Variants in SLC13A4 observed in about 807,000 individuals in gnomAD.
SLC13A4 encodes the protein Na(+)/sulfate cotransporter SUT-1.
In SLC13A4, 28 loss-of-function variants were observed where a neutral mutation model predicts 72.7. The observed-to-expected ratio is 0.39, with a 90% CI of 0.29 to 0.53. SLC13A4 has a LOEUF of 0.53. Ranked by LOEUF, SLC13A4 falls within the 20% of genes least tolerant of loss-of-function variation. The pLI, the probability that SLC13A4 is intolerant of heterozygous loss-of-function variation, is 0.78. For missense variants in SLC13A4, 653 were observed against 788.0 expected (o/e 0.83, Z 2.05); for synonymous variants, 312 against 325.5 (o/e 0.96, Z 0.45).
chr7:135,691,803 C>A, intron 11 of SLC13A4, 158 bp from the exon 12 acceptor site: 1 of 579,704 alleles, frequency 1.7e-6, no homozygotes, highest in South Asian at 2.2e-5. Context: ...ACGCTATCCA[C>A]TTTGGATTTA....
At chr7:135,716,638 T>C (rs1249259004) in intron 2 of SLC13A4, among the ~76,000 whole-genome samples, 3 of 152,146 alleles carry the variant, frequency 2.0e-5, no homozygotes, top group Non-Finnish European at 4.4e-5. Context: ...CAACGGAGGA[T>C]TTTGGTCACA....
chr7:135,691,780 G>T, intron 11 of SLC13A4, 135 bp from the exon 12 acceptor site: 1 of 612,948 alleles, frequency 1.6e-6, no homozygotes. Context: ...CTTAGTTCTT[G>T]CCAGTTGCTG....
chr7:135,695,284 C>G, intron 9 of SLC13A4, 84 bp downstream of exon 9: 1 of 1,578,004 alleles, frequency 6.3e-7, no homozygotes, highest in Non-Finnish European at 8.6e-7. Flanking sequence ...GTCCCCCTTG[C>G]ACAGAGCCAT....
At chr7:135,727,099 G>A (rs1420198836) in intron 1 of SLC13A4, among the ~76,000 whole-genome samples, 1 of 152,214 alleles carries the variant, frequency 6.6e-6, no homozygotes, top group Non-Finnish European at 1.5e-5. Flanking sequence ...CCGCTGCTGG[G>A]GCAGGCTGGC....
intron 5 of SLC13A4, chr7:135,705,244 G>A (rs975904102): frequency 4.8e-5 from 10 of 210,212 alleles, no homozygotes; most frequent in African/African-American, 1.6e-4. Context: ...ACGGTTTTCC[G>A]TTAACAAATT....
chr7:135,726,214 CA>C (rs1451550853), intron 1 of SLC13A4, among the ~76,000 whole-genome samples: 3 of 152,128 alleles, frequency 2.0e-5, no homozygotes, highest in Non-Finnish European at 4.4e-5. Flanking sequence ...GAAAAAAAAT[CA>C]GGCCCATTTG....
Position 135,699,524 on chromosome 7 carries a change from T to TG in SLC13A4, c.738dup (p.Ser247GlnfsTer16). 1 of 1,609,196 alleles carries TG rather than the reference T, an allele frequency of 6.2e-7. No individual in the cohort carries two copies. The highest frequency in any genetic ancestry group is 8.5e-7 in the Non-Finnish European group (1 of 1,177,698). ...CTGTTCAGCTTCTGCTTCCTGGGGC[T>TG]GGGGGTCAGGACTTGTGGCTTTTCC... On this transcript the variant is annotated frameshift_variant, in exon 8 of 16. Transcript: ENST00000682651. LOFTEE classifies it high-confidence loss of function.
At chr7:135,727,264 ATCCT>A in intron 1 of SLC13A4, 130 bp downstream of exon 1, 1 of 1,168,842 alleles carries the variant, frequency 8.6e-7, no homozygotes, top group Non-Finnish European at 1.2e-6. Flanking sequence ...CTCTGGAAAA[ATCCT>A]TCCATTTCTT....
intron 15 of SLC13A4, among the ~76,000 whole-genome samples, chr7:135,682,106 A>G (rs1795516665): frequency 6.6e-6 from 1 of 152,250 alleles, no homozygotes; most frequent in Admixed American, 6.5e-5. Flanking sequence ...ACGAGGGGCT[A>G]TATTACATGA....
At chr7:135,727,304 G>T in intron 1 of SLC13A4, 94 bp downstream of exon 1, 1 of 1,464,650 alleles carries the variant, frequency 6.8e-7, no homozygotes, top group African/African-American at 1.4e-5. Context: ...CCACTTTGAG[G>T]GACTGCCTGA....
At chr7:135,693,555 G>A (rs1795838480) in intron 10 of SLC13A4, 1 of 152,180 alleles carries the variant, frequency 6.6e-6, no homozygotes, top group Non-Finnish European at 1.5e-5. Flanking sequence ...AAATAAGACA[G>A]TGTCTACCTG....
chr7:135,709,124 G>A (rs569637394), intron 2 of SLC13A4, among the ~76,000 whole-genome samples: 2 of 151,310 alleles, frequency 1.3e-5, no homozygotes, highest in African/African-American at 4.8e-5. Context: ...GTAGAGATGG[G>A]GTTTCACTGT....
intron 2 of SLC13A4, among the ~76,000 whole-genome samples, chr7:135,711,130 C>T (rs1158111182): frequency 6.6e-6 from 1 of 152,138 alleles, no homozygotes; most frequent in Non-Finnish European, 1.5e-5. Context: ...GTGGAGGCGG[C>T]TTTGTGGCAC....
rs953767912 is a variant in SLC13A4, at chr7:135,702,859, G to C, written c.619C>G (p.Leu207Val). Residue 207 changes from leucine (L) to valine (V), a missense_variant, in exon 6 of 16, where the codon CTG becomes GTG. By Grantham distance (32) the Leu-to-Val change is conservative. Coordinates refer to ENST00000682651, the MANE Select transcript of SLC13A4 (RefSeq NM_001318192.2). ...CAAGGCCATACCTCGTTGTGCATCA[G>C]AGTGGTGAGGTCTGCGTTGGACCTG... ...EDRSNADLTT[L>V]MHNENLNGVP... 7 of 1,613,898 alleles carry C rather than the reference G, an allele frequency of 4.3e-6. No homozygotes were observed. The highest frequency in any genetic ancestry group is 5.9e-6 in the Non-Finnish European group (7 of 1,179,756).
intron 2 of SLC13A4, among the ~76,000 whole-genome samples, chr7:135,716,336 G>C (rs1796434412): frequency 6.6e-6 from 1 of 152,076 alleles, no homozygotes; most frequent in Admixed American, 6.6e-5. Context: ...ATGGAGCCTA[G>C]CTCTGTCATC....
chr7:135,724,323 T>C (rs113418215), intron 1 of SLC13A4, among the ~76,000 whole-genome samples: 1,548 of 152,090 alleles, frequency 0.01, 26 homozygotes, highest in African/African-American at 0.035. Flanking sequence ...GGCGAAACCC[T>C]GTCTCTATTA....
At chr7:135,713,467 A>G (rs1796349466) in intron 2 of SLC13A4, among the ~76,000 whole-genome samples, 1 of 152,142 alleles carries the variant, frequency 6.6e-6, no homozygotes, top group Non-Finnish European at 1.5e-5. Context: ...TCTGTCACCA[A>G]TTTTTTAAGG....
At position 135,721,417 on chromosome 7, in the gene SLC13A4, A is replaced by G. The variant is rs1437086833; in HGVS notation, c.206T>C (p.Phe69Ser). The G allele has an allele frequency of 1.9e-6, 3 of 1,614,092 alleles. No individual in the cohort carries two copies. The South Asian group carries it at 3.3e-5, about 18-fold the overall frequency. ...AACCTCATTGGACCGGAGGACTCCG[A>G]AGAACGGGTAAAGGAAGGCCGGCAC... is the stretch of plus-strand genomic sequence containing the variant. The part of the protein sequence containing the change: ...ALVPAFLYPF[F>S]GVLRSNEVAA... Residue 69 changes from phenylalanine (F) to serine (S), a missense_variant, in exon 2 of 16, where the codon TTC (phenylalanine) becomes TCC (serine). Physicochemically the swap from Phe to Ser is radical, Grantham distance 155. Transcript: ENST00000682651.
chr7:135,705,737 G>A lies in SLC13A4; in HGVS notation c.539-87C>T, dbSNP rs73454407. 3.1e-3 allele frequency: 3,553 copies of A among 1,156,640 alleles called. 77 individuals are homozygous for A. In the African/African-American group the frequency reaches 0.048, roughly 16 times the overall value. The allele number at this position is 1,156,640 out of a possible 1,614,324, so 71.6% of individuals were successfully genotyped here. A position where few individuals can be genotyped will look rare whatever the true frequency, so the allele number is the denominator to read the frequency against. On this transcript the variant is annotated intron_variant, in intron 4 of 15. Transcript: ENST00000682651. ...GGAGCATAGCTCAAGGGCTTAGGGC[G>A]GAGGTGGGCCATATGGAGTGGGTGA...
Sources: allele counts gnomAD v4.1 joint callset (sites outside exome capture counted in the v4.1 genomes callset), GRCh38; gene constraint gnomAD v4.1.1; transcripts MANE v1.5; gene names NCBI Gene and HGNC (gene_info 2026-07-23, HGNC 2026-07-21).